The following TTLL5 variants were observed in gnomAD, a reference collection of about 807,000 sequenced individuals.
TTLL5 encodes the protein tubulin polyglutamylase TTLL5.
Under a neutral mutation model 168.4 loss-of-function variants are expected in TTLL5, and 132 were observed. The ratio of observed to expected loss-of-function variants is 0.78; its 90% confidence interval spans 0.68 to 0.91. TTLL5 has a LOEUF of 0.91. TTLL5 is among the 40% of genes least tolerant of loss of function. The probability of loss-of-function intolerance (pLI) is 0.00; values close to 1 mark genes in which losing one functional copy is unlikely to be tolerated. For missense variants in TTLL5, 1,545 were observed against 1,581.5 expected, an observed-to-expected ratio of 0.98 and a Z score of 0.39; for synonymous variants, 546 against 558.6, an observed-to-expected ratio of 0.98 and a Z score of 0.32.
intron 12 of TTLL5, among the ~76,000 whole-genome samples, chr14:75,723,957 C>G (rs1401193641): frequency 6.6e-6 from 1 of 151,474 alleles, no homozygotes; most frequent in African/African-American, 2.4e-5. Context: ...GTATGAGTCT[C>G]TGCCTCCCAC....
intron 17 of TTLL5, among the ~76,000 whole-genome samples, chr14:75,750,168 G>C (rs1393272770): frequency 6.6e-6 from 1 of 151,638 alleles, no homozygotes; most frequent in African/African-American, 2.4e-5. Flanking sequence ...AGCTTTCCTA[G>C]AACAAAAAGT....
rs538009392 is a variant in TTLL5, at chr14:75,952,210, A to G, written c.3824-2214A>G. 3.3e-5 allele frequency among the ~76,000 whole-genome samples: 5 copies of G among 152,362 alleles called. No homozygotes were observed. In the East Asian group the frequency reaches 9.6e-4, roughly 29 times the overall value. ...CTCAATATCATTAGCCACTGGGGAAATAAATCAAAACCACAGTGGTCAGCA... is the reference window on the plus strand; with the variant it reads ...CTCAATATCATTAGCCACTGGGGAAGTAAATCAAAACCACAGTGGTCAGCA... On this transcript the variant is annotated intron_variant, in intron 31 of 31. Coordinates refer to ENST00000298832, the MANE Select transcript of TTLL5 (RefSeq NM_015072.5).
chr14:75,807,571 A>G (rs1309307435), intron 27 of TTLL5, among the ~76,000 whole-genome samples: 1 of 152,200 alleles, frequency 6.6e-6, no homozygotes, highest in East Asian at 1.9e-4. Flanking sequence ...AACCCTAATG[A>G]GGTGTAGGTA....
chr14:75,823,556 C>T (rs1373397960), intron 28 of TTLL5, among the ~76,000 whole-genome samples: 1 of 152,164 alleles, frequency 6.6e-6, no homozygotes, highest in African/African-American at 2.4e-5. Flanking sequence ...GTCAGGGAAT[C>T]CCACGAATGT....
intron 31 of TTLL5, among the ~76,000 whole-genome samples, chr14:75,952,352 C>T (rs957788446): frequency 9.9e-5 from 15 of 152,168 alleles, no homozygotes; most frequent in African/African-American, 3.6e-4. Context: ...TGTATCACTT[C>T]ATGCCCACCA....
At chr14:75,698,713 G>A (rs937242988) in intron 6 of TTLL5, among the ~76,000 whole-genome samples, 7 of 151,856 alleles carry the variant, frequency 4.6e-5, no homozygotes, top group African/African-American at 1.7e-4. Flanking sequence ...GACTAGCCTG[G>A]GCAACATAGA....
At chr14:75,801,612 C>G (rs1893331012) in intron 27 of TTLL5, among the ~76,000 whole-genome samples, 1 of 152,040 alleles carries the variant, frequency 6.6e-6, no homozygotes, top group South Asian at 2.1e-4. Context: ...TTCCCCCCAC[C>G]CTCTGTATTT....
At chr14:75,857,569 T>G (rs1897195468) in intron 28 of TTLL5, among the ~76,000 whole-genome samples, 1 of 149,602 alleles carries the variant, frequency 6.7e-6, no homozygotes, top group Non-Finnish European at 1.5e-5. Context: ...AGTTGGGAAG[T>G]TTTTTTTTTC....
chr14:75,689,523 T>C (rs1009602288), intron 5 of TTLL5: 1 of 152,232 alleles, frequency 6.6e-6, no homozygotes, highest in African/African-American at 2.4e-5. Flanking sequence ...CGTACATTCA[T>C]ATAAAAATCT....
chr14:75,822,112 A>G (rs1432555655), intron 28 of TTLL5, among the ~76,000 whole-genome samples: 1 of 152,194 alleles, frequency 6.6e-6, no homozygotes, highest in South Asian at 2.1e-4. Flanking sequence ...GCTGTGATAT[A>G]GGCCGCAGCC....
intron 28 of TTLL5, among the ~76,000 whole-genome samples, chr14:75,853,961 T>G (rs1038041317): frequency 6.6e-6 from 1 of 152,040 alleles, no homozygotes; most frequent in African/African-American, 2.4e-5. Flanking sequence ...TGAGAACTGC[T>G]TGAACCCAGA....
At position 75,882,864 on chromosome 14, in the gene TTLL5, ACAAGTG is replaced by A. The variant is rs1566644311; in HGVS notation, c.3704_3709del (p.Gln1235_Val1236del). ...TTCCCAAACCCCCACCCAACCACGAACAAGTGCTCAGAAGGGCAACATCCCAGAAAG... is the reference window on the plus strand; with the variant it reads ...TTCCCAAACCCCCACCCAACCACGAACTCAGAAGGGCAACATCCCAGAAAG... On this transcript the variant is annotated inframe_deletion, in exon 30 of 32. Transcript: ENST00000298832. 1 of 1,614,168 alleles carries A rather than the reference ACAAGTG, an allele frequency of 6.2e-7. No homozygotes were observed. The highest frequency in any genetic ancestry group is 1.7e-5 in the Admixed American group (1 of 60,022).
At chr14:75,734,170 A>G in intron 14 of TTLL5, 120 bp downstream of exon 14, 1 of 882,940 alleles carries the variant, frequency 1.1e-6, no homozygotes, top group Non-Finnish European at 1.8e-6. Context: ...GGTTTGTACT[A>G]AAAAATTATA....
chr14:75,954,687 C>T lies in TTLL5; in HGVS notation c.*241C>T. ...GGAACTTGGCAGTGGGGACATTCAG[C>T]TGATGCATTATATACCCCGTCAGAG... On this transcript the variant is annotated 3_prime_UTR_variant, in exon 32 of 32. Coordinates refer to ENST00000298832, the MANE Select transcript of TTLL5 (RefSeq NM_015072.5). The T allele has an allele frequency of 1.7e-6, 1 of 583,054 alleles. No individual in the cohort carries two copies. Among genetic ancestry groups the T allele is most frequent in the Non-Finnish European group, 3.1e-6 (1 of 327,296 alleles). The allele number at this position is 583,054 out of a possible 1,614,324, so 36.1% of individuals were successfully genotyped here.
At chr14:75,881,789 C>G (rs1201507886) in intron 29 of TTLL5, among the ~76,000 whole-genome samples, 1 of 152,068 alleles carries the variant, frequency 6.6e-6, no homozygotes, top group African/African-American at 2.4e-5. Context: ...ATGTTGAAAG[C>G]AGTATTAATA....
At chr14:75,669,598 CAT>C (rs1188247059) in intron 3 of TTLL5, 76 bp downstream of exon 3, 19 of 1,263,462 alleles carry the variant, frequency 1.5e-5, no homozygotes, top group Middle Eastern at 2.0e-4. Context: ...GTTGATATGA[CAT>C]ATATATAGGG....
chr14:75,698,205 A>T (rs1886005903), intron 6 of TTLL5, among the ~76,000 whole-genome samples: 2 of 152,146 alleles, frequency 1.3e-5, no homozygotes, highest in Non-Finnish European at 2.9e-5. Context: ...GACACTCCCT[A>T]AGTGGAAGAC....
intron 2 of TTLL5, among the ~76,000 whole-genome samples, chr14:75,669,015 A>T (rs1206557088): frequency 1.3e-5 from 2 of 152,098 alleles, no homozygotes; most frequent in Non-Finnish European, 2.9e-5. Flanking sequence ...GCCCTTCCAG[A>T]CTTCTCATTC....
At chr14:75,945,695 C>T (rs1239411021) in intron 31 of TTLL5, among the ~76,000 whole-genome samples, 1 of 151,934 alleles carries the variant, frequency 6.6e-6, no homozygotes. Flanking sequence ...AATTGGAGCT[C>T]TGGAAAGAAA....
Sources: allele counts gnomAD v4.1 joint callset (sites outside exome capture counted in the v4.1 genomes callset), GRCh38; gene constraint gnomAD v4.1.1; transcripts MANE v1.5; gene names NCBI Gene and HGNC (gene_info 2026-07-23, HGNC 2026-07-21).